Variants in LRRC69 observed in about 807,000 individuals in gnomAD.
The protein encoded by LRRC69 is leucine-rich repeat-containing protein 69.
LRRC69 carries 42 observed loss-of-function variants against 37.8 expected under a neutral mutation model. The ratio of observed to expected loss-of-function variants is 1.11; its 90% CI spans 0.87 to 1.44. The LOEUF (loss-of-function observed/expected upper bound fraction) is 1.44, where lower values mean the gene tolerates loss of function less well. Ranked by LOEUF, LRRC69 falls within the 40% of genes most tolerant of loss-of-function variation. LRRC69 has a pLI of 0.00. For synonymous variants in LRRC69, 141 were observed against 143.1 expected (o/e 0.99, Z 0.11); for missense variants, 357 against 401.9 (o/e 0.89, Z 0.96).
intron 5 of LRRC69, among the ~76,000 whole-genome samples, chr8:91,147,401 A>G (rs1018112883): frequency 2.7e-5 from 4 of 150,874 alleles, no homozygotes; most frequent in African/African-American, 9.7e-5. Context: ...TAAGTACCAT[A>G]TAATACTTCA....
chr8:91,170,595 C>T (rs1809110387), intron 5 of LRRC69, among the ~76,000 whole-genome samples: 1 of 71,768 alleles, frequency 1.4e-5, no homozygotes, highest in Non-Finnish European at 3.0e-5. Flanking sequence ...GAAATAACGC[C>T]GCGTATCTAC....
At chr8:91,197,438 C>A (rs898634053) in intron 6 of LRRC69, among the ~76,000 whole-genome samples, 37 of 152,260 alleles carry the variant, frequency 2.4e-4, no homozygotes, top group African/African-American at 7.9e-4. Context: ...GCCCCTCCCC[C>A]AGCCTCGCTG....
intron 6 of LRRC69, among the ~76,000 whole-genome samples, chr8:91,195,636 A>C (rs1191771467): frequency 6.6e-6 from 1 of 151,858 alleles, no homozygotes; most frequent in Non-Finnish European, 1.5e-5. Context: ...ATTGGTTTAA[A>C]GTCTGTTTTA....
chr8:91,175,031 A>G (rs954147383), intron 5 of LRRC69, among the ~76,000 whole-genome samples: 1 of 152,180 alleles, frequency 6.6e-6, no homozygotes, highest in Non-Finnish European at 1.5e-5. Context: ...AGCAATTTAG[A>G]AATATTGGAG....
Position 91,137,541 on chromosome 8 carries a change from C to G in LRRC69, c.651+1802C>G, listed in dbSNP as rs77778694. Among the ~76,000 whole-genome samples the G allele has an allele frequency of 2.4e-4, 36 of 152,116 alleles. No individual in the cohort carries two copies. The Middle Eastern group carries it at 0.01, about 43-fold the overall frequency. ...TCATTTATTATTCACCTTTCACCTTCGTAGTCTGTTAATTGACCGTTTCTT... is the reference window on the plus strand; with the variant it reads ...TCATTTATTATTCACCTTTCACCTTGGTAGTCTGTTAATTGACCGTTTCTT... On this transcript the variant is annotated intron_variant, in intron 5 of 7. Coordinates refer to ENST00000448384, the Ensembl canonical transcript of LRRC69.
At chr8:91,139,918 G>A (rs928397974) in intron 5 of LRRC69, among the ~76,000 whole-genome samples, 1 of 151,112 alleles carries the variant, frequency 6.6e-6, no homozygotes, top group Non-Finnish European at 1.5e-5. Context: ...GAGAAACTCC[G>A]TCTCTACTAA....
At chr8:91,193,432 C>G (rs1413998454) in intron 6 of LRRC69, among the ~76,000 whole-genome samples, 1 of 140,604 alleles carries the variant, frequency 7.1e-6, no homozygotes, top group Non-Finnish European at 1.5e-5. Context: ...TGTAAATTAC[C>G]TTGGGTAGTA....
At chr8:91,205,731 C>G (rs955909795) in intron 7 of LRRC69, among the ~76,000 whole-genome samples, 1 of 152,054 alleles carries the variant, frequency 6.6e-6, no homozygotes, top group African/African-American at 2.4e-5. Context: ...CAAATTATGT[C>G]TTACTAGACA....
chr8:91,142,320 G>A (rs73697116), intron 5 of LRRC69, among the ~76,000 whole-genome samples: 3,082 of 152,056 alleles, frequency 0.02, 85 homozygotes, highest in African/African-American at 0.068. Context: ...AGAATCCTCC[G>A]TTAGCAATCT....
At chr8:91,194,828 T>C (rs1809567248) in intron 6 of LRRC69, among the ~76,000 whole-genome samples, 1 of 152,274 alleles carries the variant, frequency 6.6e-6, no homozygotes, top group Non-Finnish European at 1.5e-5. Context: ...AAGGGTTTTT[T>C]GTGTCTGTAT....
At chr8:91,122,163 A>C (rs1417800630) in intron 1 of LRRC69, among the ~76,000 whole-genome samples, 1 of 152,108 alleles carries the variant, frequency 6.6e-6, no homozygotes, top group Non-Finnish European at 1.5e-5. Flanking sequence ...ATAGTGTGGG[A>C]CATTACAAGC....
intron 5 of LRRC69, among the ~76,000 whole-genome samples, chr8:91,161,727 T>G (rs956839581): frequency 6.6e-5 from 10 of 151,290 alleles, no homozygotes; most frequent in African/African-American, 2.4e-4. Context: ...TTCAAACAAC[T>G]TTTTAAATTT....
chr8:91,211,778 C>T (rs1224661343), intron 7 of LRRC69, among the ~76,000 whole-genome samples: 1 of 151,440 alleles, frequency 6.6e-6, no homozygotes, highest in Non-Finnish European at 1.5e-5. Flanking sequence ...GTCTAGTTGC[C>T]CCTGTTGTGC....
chr8:91,196,579 C>T (rs929728360), intron 6 of LRRC69, among the ~76,000 whole-genome samples: 1 of 152,142 alleles, frequency 6.6e-6, no homozygotes, highest in Non-Finnish European at 1.5e-5. Flanking sequence ...TCCCTTCTTG[C>T]TTCATTTCAT....
At chr8:91,154,595 C>A (rs62526693) in intron 5 of LRRC69, among the ~76,000 whole-genome samples, 65,500 of 151,686 alleles carry the variant, frequency 0.43, 16,241 homozygotes, top group South Asian at 0.62. Context: ...AAATATAATT[C>A]ATCATATAAA....
At chr8:91,179,161 A>C (rs1809283266) in intron 5 of LRRC69, among the ~76,000 whole-genome samples, 1 of 152,194 alleles carries the variant, frequency 6.6e-6, no homozygotes, top group Admixed American at 6.5e-5. Context: ...ATAAATAAAT[A>C]CCTGAACCTG....
chr8:91,109,108 GT>G (rs1376726242), intron 1 of LRRC69, among the ~76,000 whole-genome samples: 1 of 151,954 alleles, frequency 6.6e-6, no homozygotes, highest in Non-Finnish European at 1.5e-5. Context: ...TCATTATCCT[GT>G]TTTGTTGTGT....
rs188487196 is a variant in LRRC69 at position 91,116,013 on chromosome 8, C to T, written c.184-8480C>T. On this transcript the variant is annotated intron_variant, in intron 1 of 7. Coordinates refer to ENST00000448384, the Ensembl canonical transcript of LRRC69. ...TGTGTAATTTAATCATGGTTTATAA[C>T]CTATGCCTAATAAAAGAGTGCTTGT... 6.1e-4 allele frequency among the ~76,000 whole-genome samples: 92 copies of T among 152,008 alleles called. 1 individual carries two copies. The highest frequency in any genetic ancestry group is 2.1e-3 in the African/African-American group (86 of 41,496).
At chr8:91,131,950 C>G (rs192009616) in intron 3 of LRRC69, among the ~76,000 whole-genome samples, 41 of 151,186 alleles carry the variant, frequency 2.7e-4, no homozygotes, top group African/African-American at 9.5e-4. Context: ...TGTTGGCTTC[C>G]TCTCTCTTCT....
Sources: gnomAD v4.1 joint callset for allele counts (sites outside exome capture counted in the v4.1 genomes callset) on GRCh38, gnomAD v4.1.1 for gene constraint, MANE v1.5 for transcripts, NCBI Gene and HGNC (gene_info 2026-07-23, HGNC 2026-07-21) for gene names.